RAB11FIP3: variants seen among roughly 807,000 people sequenced by gnomAD.
RAB11FIP3 encodes rab11 family-interacting protein 3.
A neutral mutation model predicts 77.8 loss-of-function variants in RAB11FIP3; 17 were observed. The observed-to-expected ratio is 0.22, with a 90% confidence interval of 0.15 to 0.33. The LOEUF is 0.33. RAB11FIP3 is among the 10% of genes least tolerant of loss of function. The pLI is 1.00. For synonymous variants in RAB11FIP3, 437 were observed against 448.2 expected (o/e 0.98, Z 0.31); for missense variants, 1,005 against 1,011.2 (o/e 0.99, Z 0.08).
At chr16:483,229 G>A (rs962696005) in intron 4 of RAB11FIP3, among the ~76,000 whole-genome samples, 6 of 152,174 alleles carry the variant, frequency 3.9e-5, no homozygotes, top group African/African-American at 1.2e-4. Context: ...CCTGCTTTCC[G>A]TGTTGCCCCT....
chr16:514,445 C>T lies in RAB11FIP3; in HGVS notation c.1640+3645C>T, dbSNP rs771842082. Among the ~76,000 whole-genome samples, 4 of 152,176 alleles carry T rather than the reference C, an allele frequency of 2.6e-5. No individual in the cohort carries two copies. Among genetic ancestry groups the T allele is most frequent in the African/African-American group, 7.2e-5 (3 of 41,444 alleles). Reference sequence around the variant, plus strand: ...CGGAACCTCCTGGGAACAGCAGGGGCGGGTGGCTATGCAGTTGCAGTGCCT... The same window carrying T: ...CGGAACCTCCTGGGAACAGCAGGGGTGGGTGGCTATGCAGTTGCAGTGCCT... On this transcript the variant is annotated intron_variant, in intron 9 of 13. Coordinates refer to ENST00000262305, the MANE Select transcript of RAB11FIP3 (RefSeq NM_014700.4). The surrounding 1 kb of genome is among the most constrained non-coding windows in gnomAD (Gnocchi z 4.6).
intron 3 of RAB11FIP3, chr16:475,190 T>C (rs2141696824): frequency 7.3e-7 from 1 of 1,377,210 alleles, no homozygotes; most frequent in Non-Finnish European, 9.6e-7. Context: ...ACGGGGACAG[T>C]GTTGGCCCCA....
chr16:519,105 C>G, intron 10 of RAB11FIP3, 81 bp downstream of exon 10: 1 of 1,435,386 alleles, frequency 7.0e-7, no homozygotes, highest in East Asian at 2.3e-5. Flanking sequence ...TAGCCCTGAG[C>G]TCTGTGCTGA....
At chr16:520,302 C>T (rs1226960735) in intron 12 of RAB11FIP3, 25 bp downstream of exon 12, 1 of 1,546,534 alleles carries the variant, frequency 6.5e-7, no homozygotes, top group Non-Finnish European at 8.7e-7. Context: ...GCCTCCCTCC[C>T]TCACACTCCT....
At chr16:474,531 G>T (rs527359912) in intron 3 of RAB11FIP3, among the ~76,000 whole-genome samples, 5 of 152,266 alleles carry the variant, frequency 3.3e-5, no homozygotes, top group East Asian at 3.9e-4. Flanking sequence ...TGGAGCCCAG[G>T]GGGTGGTGGG....
rs555203122 is a variant in RAB11FIP3 at position 505,817 on chromosome 16, G to A, written c.1499+190G>A. ...CCAGTGGGCTGCAGGCAGGCGACCC[G>A]AGGCTCTGACTGGTGCTCTCATGGA... On this transcript the variant is annotated intron_variant, in intron 8 of 13. Coordinates refer to ENST00000262305, the MANE Select transcript of RAB11FIP3 (RefSeq NM_014700.4). This position sits in a 1 kb window ranked among gnomAD's most constrained non-coding sequence, Gnocchi z 4.0. Among the ~76,000 whole-genome samples, 3 of 152,306 alleles carry A rather than the reference G, an allele frequency of 2.0e-5. No homozygotes were observed. Among genetic ancestry groups the A allele is most frequent in the South Asian group, 4.1e-4 (2 of 4,824 alleles).
intron 9 of RAB11FIP3, among the ~76,000 whole-genome samples, chr16:518,657 T>C (rs2032527432): frequency 1.3e-5 from 2 of 151,996 alleles, no homozygotes; most frequent in Non-Finnish European, 2.9e-5. Flanking sequence ...CCCCGGGAGA[T>C]GGAGCTTGCA....
chr16:468,671 C>T (rs2055759720), intron 2 of RAB11FIP3, among the ~76,000 whole-genome samples: 1 of 152,062 alleles, frequency 6.6e-6, no homozygotes, highest in Admixed American at 6.6e-5. Flanking sequence ...AGCCACAGGC[C>T]TTGTTTCAGG....
At position 520,477 on chromosome 16, in the gene RAB11FIP3, G is replaced by A. The variant is rs1412317955; in HGVS notation, c.2035G>A (p.Glu679Lys). 7 of 1,613,574 alleles carry A rather than the reference G, an allele frequency of 4.3e-6. No homozygotes were observed. Among genetic ancestry groups the A allele is most frequent in the Non-Finnish European group, 5.9e-6 (7 of 1,180,018 alleles). The stretch of plus-strand genomic sequence containing the variant: ...CCTTCAGGACAACCGCAACCTGAAG[G>A]AGCAGAACGAGGAGCTGAACGGGCA... ...RLKQDNRNLK[E>K]QNEELNGQII... Residue 679 changes from glutamate to lysine, a missense_variant, in exon 13 of 14, where the codon GAG becomes AAG. Glu to Lys is a moderately conservative substitution (Grantham distance 56). Transcript: ENST00000262305.
At chr16:496,076 C>T (rs967562684) in intron 5 of RAB11FIP3, among the ~76,000 whole-genome samples, 1 of 152,144 alleles carries the variant, frequency 6.6e-6, no homozygotes, top group Non-Finnish European at 1.5e-5. Flanking sequence ...CTGCCTGACC[C>T]TGGAAAGAAA....
chr16:492,102 G>A (rs1462212896), intron 5 of RAB11FIP3, among the ~76,000 whole-genome samples: 1 of 152,224 alleles, frequency 6.6e-6, no homozygotes, highest in Non-Finnish European at 1.5e-5. Flanking sequence ...TGCCCCAGGG[G>A]GCTTCTGCCG....
At chr16:484,033 A>C (rs8063452) in intron 4 of RAB11FIP3, among the ~76,000 whole-genome samples, 24,205 of 151,922 alleles carry the variant, frequency 0.16, 2,883 homozygotes, top group African/African-American at 0.34. Context: ...CTGGGGCGGC[A>C]TCACGGGCTG....
At chr16:464,740 T>G (rs2055673127) in intron 2 of RAB11FIP3, among the ~76,000 whole-genome samples, 1 of 151,952 alleles carries the variant, frequency 6.6e-6, no homozygotes, top group Non-Finnish European at 1.5e-5. Context: ...TGCAAAAAAA[T>G]AAAGTAGTTG....
At chr16:519,234 C>G (rs968093191) in intron 10 of RAB11FIP3, 8 of 573,556 alleles carry the variant, frequency 1.4e-5, no homozygotes, top group South Asian at 9.1e-5. Flanking sequence ...CTAGATGGAC[C>G]CAGGGCTCTG....
chr16:511,437 A>T (rs1360403225), intron 9 of RAB11FIP3, among the ~76,000 whole-genome samples: 2 of 108,174 alleles, frequency 1.8e-5, no homozygotes, highest in Non-Finnish European at 3.6e-5. Context: ...AGGTAGGAGA[A>T]GTTCCCCGAC....
intron 2 of RAB11FIP3, among the ~76,000 whole-genome samples, chr16:463,103 C>G (rs1160012238): frequency 6.6e-6 from 1 of 152,158 alleles, no homozygotes; most frequent in Non-Finnish European, 1.5e-5. Context: ...TTCACACTCT[C>G]ACCAGTCCCC....
chr16:516,948 G>C (rs534146224), intron 9 of RAB11FIP3, among the ~76,000 whole-genome samples: 1 of 152,240 alleles, frequency 6.6e-6, no homozygotes, highest in Non-Finnish European at 1.5e-5. Context: ...CAGGAGGCGG[G>C]GGCTGGACCC....
At position 471,432 on chromosome 16, in the gene RAB11FIP3, C is replaced by T; in HGVS notation, c.903+43C>T. On this transcript the variant is annotated intron_variant, in intron 3 of 13. Transcript: ENST00000262305. The surrounding 1 kb of genome is among the most constrained non-coding windows in gnomAD (Gnocchi z 4.4). Reference sequence around the variant, plus strand: ...AGGAGCTTGGGGGAAGTCTGGCATCCACCTCTTCCTTTATGCCCTACAGCT... The same window carrying T: ...AGGAGCTTGGGGGAAGTCTGGCATCTACCTCTTCCTTTATGCCCTACAGCT... 1 of 1,477,072 alleles carries T rather than the reference C, an allele frequency of 6.8e-7. No homozygotes were observed. Among genetic ancestry groups the T allele is most frequent in the Non-Finnish European group, 9.4e-7 (1 of 1,068,294 alleles). The allele number at this position is 1,477,072 out of a possible 1,614,324, so 91.5% of individuals were successfully genotyped here.
intron 4 of RAB11FIP3, among the ~76,000 whole-genome samples, chr16:482,979 A>T (rs1425993111): frequency 6.6e-6 from 1 of 152,052 alleles, no homozygotes; most frequent in African/African-American, 2.4e-5. Flanking sequence ...TGTGGTTTCA[A>T]ATGTTGCTCA....
Sources: allele counts gnomAD v4.1 joint callset (sites outside exome capture counted in the v4.1 genomes callset), GRCh38; gene constraint gnomAD v4.1.1; non-coding constraint Gnocchi (gnomAD v3.1); transcripts MANE v1.5; gene names NCBI Gene and HGNC (gene_info 2026-07-23, HGNC 2026-07-21).